ATP8A2: variants seen among roughly 807,000 people sequenced by gnomAD.
ATP8A2 encodes the protein phospholipid-transporting ATPase IB.
In ATP8A2, 100 loss-of-function variants were observed where a neutral mutation model predicts 165.6. The observed-to-expected ratio is 0.60, with a 90% confidence interval of 0.51 to 0.71. ATP8A2 has a LOEUF of 0.71. Among genes scored for constraint, ATP8A2 ranks in the 30% least tolerant of loss-of-function variants. The probability of loss-of-function intolerance (pLI) is 0.00; values close to 1 mark genes in which losing one functional copy is unlikely to be tolerated. For missense variants in ATP8A2, 1,227 were observed against 1,479.5 expected (o/e 0.83, Z 2.80); for synonymous variants, 543 against 548.8 (o/e 0.99, Z 0.15).
At chr13:25,958,944 C>T (rs1354948848) in intron 33 of ATP8A2, among the ~76,000 whole-genome samples, 1 of 152,136 alleles carries the variant, frequency 6.6e-6, no homozygotes, top group African/African-American at 2.4e-5. Context: ...TTACAGGGTA[C>T]ATTTGAGTTA....
At chr13:25,553,683 G>C (rs9740054) in intron 11 of ATP8A2, 110 bp from the exon 12 acceptor site, 611,971 of 1,133,410 alleles carry the variant, frequency 0.54, 172,441 homozygotes, top group Non-Finnish European at 0.59. Flanking sequence ...TTGAACTCAC[G>C]GTTCCTGACA....
chr13:25,808,248 A>G (rs762653666), intron 27 of ATP8A2, among the ~76,000 whole-genome samples: 1 of 151,434 alleles, frequency 6.6e-6, no homozygotes, highest in South Asian at 2.1e-4. Context: ...TCCCACTTCA[A>G]CTTTCTAGGT....
intron 27 of ATP8A2, among the ~76,000 whole-genome samples, chr13:25,820,071 C>T (rs1019541969): frequency 3.9e-5 from 6 of 152,148 alleles, no homozygotes; most frequent in African/African-American, 9.7e-5. Context: ...ATTAAGTAGT[C>T]GTTTGTTAAG....
intron 24 of ATP8A2, among the ~76,000 whole-genome samples, chr13:25,590,269 G>A (rs532705267): frequency 1.3e-5 from 2 of 152,108 alleles, no homozygotes; most frequent in East Asian, 3.9e-4. Context: ...TACAAAAAAT[G>A]GAAAAATTGG....
At chr13:25,994,471 A>G (rs1200903748) in intron 35 of ATP8A2, among the ~76,000 whole-genome samples, 1 of 152,138 alleles carries the variant, frequency 6.6e-6, no homozygotes, top group Non-Finnish European at 1.5e-5. Context: ...GGGAGAAATC[A>G]TTCAACTTTT....
At chr13:25,675,678 T>A (rs1206768607) in intron 24 of ATP8A2, among the ~76,000 whole-genome samples, 1 of 152,126 alleles carries the variant, frequency 6.6e-6, no homozygotes, top group African/African-American at 2.4e-5. Context: ...GGCTTTAATT[T>A]TGTTGTGATT....
chr13:26,015,328 C>T (rs540501711), intron 36 of ATP8A2, among the ~76,000 whole-genome samples: 1 of 152,222 alleles, frequency 6.6e-6, no homozygotes, highest in African/African-American at 2.4e-5. Context: ...AGGTCTCAGC[C>T]TTTGATGTTC....
chr13:25,897,483 A>G (rs182575529), intron 33 of ATP8A2, among the ~76,000 whole-genome samples: 2 of 134,828 alleles, frequency 1.5e-5, no homozygotes, highest in East Asian at 4.1e-4. Flanking sequence ...CTTCATTTCA[A>G]CTTTTGGTGA....
intron 27 of ATP8A2, among the ~76,000 whole-genome samples, chr13:25,785,634 G>C (rs981279021): frequency 3.3e-5 from 5 of 152,112 alleles, no homozygotes; most frequent in African/African-American, 1.2e-4. Context: ...AACTACTTCT[G>C]TGACAATGTC....
intron 33 of ATP8A2, among the ~76,000 whole-genome samples, chr13:25,933,310 T>G (rs1401409423): frequency 6.6e-6 from 1 of 152,234 alleles, no homozygotes; most frequent in East Asian, 1.9e-4. Context: ...CTGATGGTTT[T>G]GGCTATGCAG....
chr13:25,834,852 G>C (rs1323676427), intron 28 of ATP8A2, among the ~76,000 whole-genome samples: 8 of 152,192 alleles, frequency 5.3e-5, no homozygotes, highest in Admixed American at 4.6e-4. Flanking sequence ...GTGAAATTGA[G>C]ACAGGGTCTT....
At chr13:26,000,713 A>AAAG (rs1387288313) in intron 35 of ATP8A2, among the ~76,000 whole-genome samples, 3 of 151,690 alleles carry the variant, frequency 2.0e-5, no homozygotes, top group Non-Finnish European at 4.4e-5. Context: ...AAAAAAAAAA[A>AAAG]AAAAAATTAA....
At chr13:25,944,632 G>C (rs1482177925) in intron 33 of ATP8A2, 1 of 152,332 alleles carries the variant, frequency 6.6e-6, no homozygotes, top group Non-Finnish European at 1.5e-5. Flanking sequence ...GGACCACCAG[G>C]TTGCCTAAGG....
chr13:25,918,032 G>A (rs1198026707), intron 33 of ATP8A2, among the ~76,000 whole-genome samples: 1 of 152,190 alleles, frequency 6.6e-6, no homozygotes, highest in Non-Finnish European at 1.5e-5. Context: ...GAAGGCAGAT[G>A]TTTGAAGAGA....
intron 35 of ATP8A2, among the ~76,000 whole-genome samples, chr13:26,001,056 A>T (rs182719014): frequency 6.6e-6 from 1 of 152,230 alleles, no homozygotes. Context: ...TCCCTGCCCT[A>T]CAGCCCCTGG....
At chr13:25,553,107 T>A (rs1430392551) in intron 11 of ATP8A2, among the ~76,000 whole-genome samples, 2 of 151,708 alleles carry the variant, frequency 1.3e-5, no homozygotes, top group African/African-American at 4.8e-5. Flanking sequence ...GTTAAGAAGA[T>A]CTCACTACTT....
chr13:25,579,594 A>G (rs1335860622), intron 21 of ATP8A2, among the ~76,000 whole-genome samples: 3 of 151,964 alleles, frequency 2.0e-5, no homozygotes, highest in South Asian at 4.1e-4. Flanking sequence ...CTTCTCGCGC[A>G]CTCTCAGCCT....
intron 1 of ATP8A2, among the ~76,000 whole-genome samples, chr13:25,385,434 A>T (rs1165653637): frequency 6.6e-6 from 1 of 152,250 alleles, no homozygotes; most frequent in African/African-American, 2.4e-5. Flanking sequence ...TCACTGAATT[A>T]CTGAGACTTA....
intron 25 of ATP8A2, among the ~76,000 whole-genome samples, chr13:25,766,969 C>G (rs1023231856): frequency 1.3e-5 from 2 of 152,250 alleles, no homozygotes; most frequent in Non-Finnish European, 2.9e-5. Flanking sequence ...TGATCCCACT[C>G]ATGAAAAGCA....
Sources: allele counts gnomAD v4.1 joint callset (sites outside exome capture counted in the v4.1 genomes callset), GRCh38; gene constraint gnomAD v4.1.1; transcripts MANE v1.5; gene names NCBI Gene and HGNC (gene_info 2026-07-23, HGNC 2026-07-21).